Variants in RIT2 observed in about 807,000 individuals in gnomAD.
RIT2 encodes Ras like without CAAX 2, also known as GTP-binding protein Rit2.
Under a neutral mutation model 23.7 loss-of-function variants are expected in RIT2, and 24 were observed. The ratio of observed to expected loss-of-function variants is 1.01; its 90% CI spans 0.73 to 1.43. The LOEUF is 1.43. RIT2 is among the 40% of genes most tolerant of loss of function. The pLI is 0.00. For synonymous variants in RIT2, 107 were observed against 91.1 expected (o/e 1.17, Z -0.99); for missense variants, 236 against 266.9 (o/e 0.88, Z 0.81).
chr18:43,095,601 G>C (rs914361440), intron 1 of RIT2, among the ~76,000 whole-genome samples: 1 of 151,940 alleles, frequency 6.6e-6, no homozygotes, highest in African/African-American at 2.4e-5. Flanking sequence ...ACTTGATCTT[G>C]TGTAAAAAAG....
intron 1 of RIT2, among the ~76,000 whole-genome samples, chr18:43,113,933 G>C (rs1269057799): frequency 2.0e-5 from 3 of 151,866 alleles, no homozygotes; most frequent in Admixed American, 2.0e-4. Context: ...TTCTCACATT[G>C]TTTATTTCTT....
chr18:42,757,585 G>A (rs1305076651), intron 4 of RIT2, among the ~76,000 whole-genome samples: 5 of 152,108 alleles, frequency 3.3e-5, no homozygotes, highest in Non-Finnish European at 5.9e-5. Flanking sequence ...AATATTCTAC[G>A]TTTTCTGGCC....
chr18:42,943,217 G>A (rs537552729), intron 3 of RIT2, among the ~76,000 whole-genome samples: 2 of 152,114 alleles, frequency 1.3e-5, no homozygotes, highest in Non-Finnish European at 2.9e-5. Flanking sequence ...TCTTCCCTGC[G>A]ATTGGCTATT....
chr18:42,814,076 T>C (rs1905925729), intron 4 of RIT2, among the ~76,000 whole-genome samples: 1 of 152,186 alleles, frequency 6.6e-6, no homozygotes, highest in Admixed American at 6.5e-5. Context: ...GTGAGCTCAC[T>C]GTGTCCCCTA....
intron 4 of RIT2, among the ~76,000 whole-genome samples, chr18:42,825,188 A>C (rs1013703658): frequency 3.9e-4 from 59 of 151,904 alleles, no homozygotes; most frequent in African/African-American, 1.4e-3. Flanking sequence ...ATAATCTCTA[A>C]AGACAAAATA....
Position 42,800,867 on chromosome 18 carries a change from T to C in RIT2, c.427-57147A>G, listed in dbSNP as rs1905520860. ...TTCTCCTCCAAACTCTCTTATGTTT[T>C]CCCGTTAGTTTCCTATATTGGAATT... On this transcript the variant is annotated intron_variant, in intron 4 of 4. Transcript: ENST00000326695. 2.0e-5 allele frequency among the ~76,000 whole-genome samples: 3 copies of C among 152,170 alleles called. 1 individual carries two copies. The highest frequency in any genetic ancestry group is 4.1e-4 in the South Asian group (2 of 4,822).
At chr18:42,837,153 C>CTTTTCTTTTTTTTTTTTTTTTTTTTTTTT (rs1568008832) in intron 4 of RIT2, among the ~76,000 whole-genome samples, 19 of 51,702 alleles carry the variant, frequency 3.7e-4, no homozygotes, top group Non-Finnish European at 6.1e-4. Flanking sequence ...TTTTCTTTTT[C>CTTTTCTTTTTTTTTTTTTTTTTTTTTTTT]TTTTTTTTTT....
At chr18:42,822,365 G>A (rs1458644484) in intron 4 of RIT2, among the ~76,000 whole-genome samples, 4 of 152,060 alleles carry the variant, frequency 2.6e-5, no homozygotes, top group Non-Finnish European at 4.4e-5. Flanking sequence ...TTTAGACCCT[G>A]AAGTTATTTG....
At chr18:42,993,092 G>T (rs914474728) in intron 2 of RIT2, among the ~76,000 whole-genome samples, 1 of 152,062 alleles carries the variant, frequency 6.6e-6, no homozygotes, top group South Asian at 2.1e-4. Context: ...ACTTCCAAAC[G>T]CCTGAACCGC....
chr18:42,985,609 G>A (rs984130653), intron 2 of RIT2, among the ~76,000 whole-genome samples: 1 of 152,020 alleles, frequency 6.6e-6, no homozygotes, highest in South Asian at 2.1e-4. Context: ...TATTACAGTT[G>A]GCATTTCTGA....
At chr18:42,964,219 TA>T (rs1001837972) in intron 3 of RIT2, among the ~76,000 whole-genome samples, 2 of 151,142 alleles carry the variant, frequency 1.3e-5, no homozygotes, top group African/African-American at 2.4e-5. Flanking sequence ...ATAAATATAA[TA>T]AAAAAATAAA....
At chr18:43,042,664 A>C (rs1912155391) in intron 1 of RIT2, among the ~76,000 whole-genome samples, 1 of 152,170 alleles carries the variant, frequency 6.6e-6, no homozygotes, top group African/African-American at 2.4e-5. Context: ...CAAAAATAGT[A>C]TGTGTCAGAC....
At chr18:43,111,107 C>A (rs61227266) in intron 1 of RIT2, among the ~76,000 whole-genome samples, 2,812 of 152,128 alleles carry the variant, frequency 0.018, 90 homozygotes, top group African/African-American at 0.065. Flanking sequence ...CAATGGAATA[C>A]TATTCAGCTA....
chr18:42,774,145 A>G (rs2143919916), intron 4 of RIT2, among the ~76,000 whole-genome samples: 1 of 152,336 alleles, frequency 6.6e-6, no homozygotes, highest in East Asian at 1.9e-4. Flanking sequence ...AAAGGAAAGC[A>G]ATTCAGACCA....
intron 4 of RIT2, among the ~76,000 whole-genome samples, chr18:42,922,729 C>T (rs140191039): frequency 1.5e-4 from 23 of 152,192 alleles, no homozygotes; most frequent in Non-Finnish European, 3.1e-4. Flanking sequence ...ATGTAAGTTA[C>T]GGTAATGGAT....
chr18:42,996,583 A>C (rs989639072), intron 2 of RIT2, among the ~76,000 whole-genome samples: 2 of 151,968 alleles, frequency 1.3e-5, no homozygotes, highest in African/African-American at 4.8e-5. Flanking sequence ...CCTGGCTCAA[A>C]AGCTCAACTA....
At chr18:42,791,905 C>T (rs561928838) in intron 4 of RIT2, among the ~76,000 whole-genome samples, 12 of 152,028 alleles carry the variant, frequency 7.9e-5, no homozygotes, top group African/African-American at 2.4e-4. Context: ...AGTAATTTGT[C>T]GAAAGATGGG....
intron 4 of RIT2, among the ~76,000 whole-genome samples, chr18:42,861,411 A>C (rs1907324143): frequency 6.6e-6 from 1 of 152,166 alleles, no homozygotes; most frequent in Non-Finnish European, 1.5e-5. Context: ...TTTTGCACTC[A>C]ATCAGGGACT....
intron 4 of RIT2, among the ~76,000 whole-genome samples, chr18:42,824,013 C>G (rs577196387): frequency 6.6e-6 from 1 of 152,200 alleles, no homozygotes; most frequent in East Asian, 1.9e-4. Flanking sequence ...ACTTTTCGTT[C>G]ATCTTCAGAC....
Sources: allele counts gnomAD v4.1 joint callset (sites outside exome capture counted in the v4.1 genomes callset), GRCh38; gene constraint gnomAD v4.1.1; transcripts MANE v1.5; gene names NCBI Gene and HGNC (gene_info 2026-07-23, HGNC 2026-07-21).